DDX1: variants seen among roughly 807,000 people sequenced by gnomAD.
DDX1 encodes ATP-dependent RNA helicase DDX1.
A neutral mutation model predicts 108.7 loss-of-function variants in DDX1; 28 were observed. That is an observed-to-expected ratio of 0.26 (90% CI 0.19 to 0.35). The LOEUF (loss-of-function observed/expected upper bound fraction) is 0.35. Ranked by LOEUF, DDX1 falls within the 10% of genes least tolerant of loss-of-function variation. The pLI, the probability that DDX1 is intolerant of heterozygous loss-of-function variation, is 1.00. For missense variants in DDX1, 710 were observed against 884.5 expected, an observed-to-expected ratio of 0.80 and a Z score of 2.50; for synonymous variants, 295 against 288.9, an observed-to-expected ratio of 1.02 and a Z score of -0.21.
rs768167663 is a variant in DDX1, at chr2:15,606,279, A to T, written c.817+15A>T. 6.4e-6 allele frequency: 10 copies of T among 1,552,630 alleles called. No homozygotes were observed. The highest frequency in any genetic ancestry group is 4.5e-5 in the South Asian group (4 of 88,664). ...ACAGCACTCAGGTATTATACCTGCA[A>T]GGGTAAGGATTTCTAGAATAGTGAG... On this transcript the variant is annotated intron_variant, in intron 12 of 25. Coordinates refer to ENST00000233084, the MANE Select transcript of DDX1 (RefSeq NM_004939.3).
chr2:15,616,536 A>T (rs1391300885), intron 14 of DDX1, among the ~76,000 whole-genome samples: 1 of 152,168 alleles, frequency 6.6e-6, no homozygotes, highest in Non-Finnish European at 1.5e-5. Context: ...GTTCTCTTCT[A>T]TGTATGTTTG....
Position 15,618,864 on chromosome 2 carries a change from G to C in DDX1, c.1206+594G>C, listed in dbSNP as rs115346294. Among the ~76,000 whole-genome samples the C allele has an allele frequency of 3.5e-3, 538 of 152,360 alleles. 5 individuals carry two copies. The highest frequency in any genetic ancestry group is 9.2e-3 in the African/African-American group (382 of 41,590). Reference sequence around the variant, plus strand: ...GGTTGGTGTATCAATGCTACCTCAAGTGTGCACACCCAGCTGGCCCAAGCT... The same window carrying C: ...GGTTGGTGTATCAATGCTACCTCAACTGTGCACACCCAGCTGGCCCAAGCT... On this transcript the variant is annotated intron_variant, in intron 16 of 25. Transcript: ENST00000233084.
At chr2:15,611,181 CAG>C (rs1414534973) in intron 13 of DDX1, among the ~76,000 whole-genome samples, 1 of 149,094 alleles carries the variant, frequency 6.7e-6, no homozygotes, top group East Asian at 2.0e-4. Context: ...GCACATGTTT[CAG>C]AGAGCACAGG....
chr2:15,603,393 A>G, intron 8 of DDX1, 118 bp downstream of exon 8: 1 of 733,936 alleles, frequency 1.4e-6, no homozygotes, highest in Non-Finnish European at 2.3e-6. Context: ...AAAGACATGG[A>G]AACAATATTT....
Position 15,593,134 on chromosome 2 carries a change from C to T in DDX1, c.16+1185C>T, listed in dbSNP as rs140607245. On this transcript the variant is annotated intron_variant, in intron 1 of 25. Transcript: ENST00000233084. ...CGGGGGTTTCACCATGTTGGCCAGG[C>T]TGGTCTCGAACTCCTGACCTCAGGT... 2.5e-3 allele frequency among the ~76,000 whole-genome samples: 379 copies of T among 152,228 alleles called. 1 individual carries two copies. The highest frequency in any genetic ancestry group is 8.7e-3 in the African/African-American group (362 of 41,542).
intron 13 of DDX1, among the ~76,000 whole-genome samples, chr2:15,611,289 T>C (rs1665748914): frequency 6.6e-6 from 1 of 150,760 alleles, no homozygotes; most frequent in Non-Finnish European, 1.5e-5. Context: ...TACCTCCTAC[T>C]ACACAAACAC....
chr2:15,611,372 C>T (rs1665750736), intron 13 of DDX1, among the ~76,000 whole-genome samples: 1 of 151,528 alleles, frequency 6.6e-6, no homozygotes, highest in Non-Finnish European at 1.5e-5. Context: ...CCATTGTCAT[C>T]ATGGCCCGTT....
At chr2:15,608,087 C>T (rs1665693849) in intron 13 of DDX1, among the ~76,000 whole-genome samples, 1 of 152,164 alleles carries the variant, frequency 6.6e-6, no homozygotes, top group African/African-American at 2.4e-5. Flanking sequence ...TGACCTTGCT[C>T]AGTAGCAATC....
At position 15,596,730 on chromosome 2, in the gene DDX1, T is replaced by A. The variant is rs1665506512; in HGVS notation, c.133-4T>A. The A allele has an allele frequency of 6.2e-7, 1 of 1,611,588 alleles. No individual in the cohort carries two copies. Among genetic ancestry groups the A allele is most frequent in the Non-Finnish European group, 8.5e-7 (1 of 1,178,340 alleles). On this transcript the variant is annotated splice_region_variant and splice_polypyrimidine_tract_variant and intron_variant, in intron 3 of 25. Coordinates refer to ENST00000233084, the MANE Select transcript of DDX1 (RefSeq NM_004939.3). ...GTAAAATCAACTTTTTTCCCCTCAT[T>A]CAGGCTGCAGAAACAGGAAGTGGCA...
intron 6 of DDX1, among the ~76,000 whole-genome samples, chr2:15,600,222 C>T (rs1023256270): frequency 1.3e-5 from 2 of 152,204 alleles, no homozygotes; most frequent in African/African-American, 2.4e-5. Flanking sequence ...ACAGACCTTA[C>T]AGTGGCTTTT....
chr2:15,628,320 C>A, intron 20 of DDX1, 125 bp from the exon 21 acceptor site: 1 of 665,456 alleles, frequency 1.5e-6, no homozygotes, highest in Non-Finnish European at 2.6e-6. Context: ...AGGAGTATGT[C>A]GACCTCTAAT....
intron 14 of DDX1, among the ~76,000 whole-genome samples, chr2:15,615,103 C>G (rs1558456712): frequency 6.6e-6 from 1 of 152,222 alleles, no homozygotes; most frequent in Non-Finnish European, 1.5e-5. Context: ...GTCTTACATT[C>G]TCTGCTTCTG....
At position 15,591,962 on chromosome 2, in the gene DDX1, A is replaced by G. The variant is rs559336028; in HGVS notation, c.16+13A>G. On this transcript the variant is annotated intron_variant, in intron 1 of 25. Transcript: ENST00000233084. ...GCGGCCTTCTCCGGTGCGTTTGTGG[A>G]AACTCTGGGGGTGGTGGGGCGGCTT... 1.1e-4 allele frequency: 161 copies of G among 1,424,632 alleles called. 4 individuals carry two copies. The South Asian group carries it at 2.2e-3, about 20-fold the overall frequency. The allele number at this position is 1,424,632 out of a possible 1,614,324, so 88.2% of individuals were successfully genotyped here. A position where few individuals can be genotyped will look rare whatever the true frequency, so the allele number is the denominator to read the frequency against.
At chr2:15,593,995 T>C (rs1665460799) in intron 1 of DDX1, among the ~76,000 whole-genome samples, 1 of 151,974 alleles carries the variant, frequency 6.6e-6, no homozygotes. Flanking sequence ...GGAGAATTGC[T>C]TGAATCTGGG....
At chr2:15,629,747 G>C (rs1047516173) in intron 24 of DDX1, 50 bp downstream of exon 24, 1 of 1,368,996 alleles carries the variant, frequency 7.3e-7, no homozygotes, top group Non-Finnish European at 1.0e-6. Context: ...TGGTAGAATA[G>C]AAAGCATTTA....
intron 13 of DDX1, among the ~76,000 whole-genome samples, chr2:15,609,204 T>A (rs563925900): frequency 6.6e-6 from 1 of 152,196 alleles, no homozygotes; most frequent in Non-Finnish European, 1.5e-5. Flanking sequence ...CTAGTGTGAA[T>A]TGATTTTTGT....
At chr2:15,609,546 G>C (rs560453694) in intron 13 of DDX1, among the ~76,000 whole-genome samples, 1 of 152,090 alleles carries the variant, frequency 6.6e-6, no homozygotes, top group South Asian at 2.1e-4. Flanking sequence ...CTTGCTTTAA[G>C]TTTCTTGCTT....
intron 1 of DDX1, 28 bp downstream of exon 1, chr2:15,591,977 T>A (rs1278922253): frequency 7.1e-7 from 1 of 1,399,162 alleles, no homozygotes; most frequent in Non-Finnish European, 9.3e-7. Context: ...CTGGGGGTGG[T>A]GGGGCGGCTT....
At chr2:15,609,285 A>G (rs1462957008) in intron 13 of DDX1, among the ~76,000 whole-genome samples, 18 of 152,208 alleles carry the variant, frequency 1.2e-4, no homozygotes, top group Admixed American at 1.2e-3. Context: ...AATAAAATCA[A>G]TTTATTGGTT....
Sources: allele counts gnomAD v4.1 joint callset (sites outside exome capture counted in the v4.1 genomes callset), GRCh38; gene constraint gnomAD v4.1.1; transcripts MANE v1.5; gene names NCBI Gene and HGNC (gene_info 2026-07-23, HGNC 2026-07-21).